HS6ST3: variants seen among roughly 807,000 people sequenced by gnomAD.
The protein encoded by HS6ST3 is heparan-sulfate 6-O-sulfotransferase 3.
In HS6ST3, 12 loss-of-function variants were observed where a neutral mutation model predicts 36.7. That is an observed-to-expected ratio of 0.33 (90% CI 0.21 to 0.53). The LOEUF (loss-of-function observed/expected upper bound fraction) is 0.53, where lower values mean the gene tolerates loss of function less well. Among genes scored for constraint, HS6ST3 ranks in the 20% least tolerant of loss-of-function variants. HS6ST3 has a pLI of 0.95. For synonymous variants in HS6ST3, 240 were observed against 257.5 expected, an observed-to-expected ratio of 0.93 and a Z score of 0.65; for missense variants, 584 against 640.9, an observed-to-expected ratio of 0.91 and a Z score of 0.96.
intron 1 of HS6ST3, among the ~76,000 whole-genome samples, chr13:96,619,324 A>G (rs550081550): frequency 3.9e-5 from 6 of 152,348 alleles, no homozygotes; most frequent in African/African-American, 1.4e-4. Context: ...AGTATCATCA[A>G]TTATCCCATT....
rs1298070684 is a variant in HS6ST3 at position 96,657,506 on chromosome 13, G to T, written c.708-174984G>T. On this transcript the variant is annotated intron_variant, in intron 1 of 1. Transcript: ENST00000376705. ...ACTACACTCCAGCCTGAGCAACAGA[G>T]CAAGATCTTGTCTCAAAACAAACAA... Among the ~76,000 whole-genome samples the T allele has an allele frequency of 2.6e-5, 4 of 152,132 alleles. No homozygotes were observed. The East Asian group carries it at 7.7e-4, about 29-fold the overall frequency.
Position 96,617,433 on chromosome 13 carries a change from A to T in HS6ST3, c.708-215057A>T, listed in dbSNP as rs1188860583. Among the ~76,000 whole-genome samples, 2 of 152,200 alleles carry T rather than the reference A, an allele frequency of 1.3e-5. 1 individual carries two copies. The highest frequency in any genetic ancestry group is 4.1e-4 in the South Asian group (2 of 4,834). ...CTGTGCAATAGTGAAGCTAGTTCAA[A>T]TATATTTCTTCATGGTTGAATTGCA... On this transcript the variant is annotated intron_variant, in intron 1 of 1. Transcript: ENST00000376705.
intron 1 of HS6ST3, among the ~76,000 whole-genome samples, chr13:96,735,697 AAT>A (rs1201291989): frequency 1.3e-5 from 2 of 152,180 alleles, no homozygotes; most frequent in African/African-American, 4.8e-5. Flanking sequence ...TATACTAAGC[AAT>A]TAAAAATGAG....
intron 1 of HS6ST3, among the ~76,000 whole-genome samples, chr13:96,674,431 C>T (rs1390278985): frequency 1.3e-5 from 2 of 152,040 alleles, no homozygotes; most frequent in Non-Finnish European, 2.9e-5. Context: ...TCAATTTCTC[C>T]AGTCTTTTTT....
chr13:96,532,009 T>C (rs975918257), intron 1 of HS6ST3, among the ~76,000 whole-genome samples: 1 of 152,168 alleles, frequency 6.6e-6, no homozygotes, highest in Non-Finnish European at 1.5e-5. Flanking sequence ...CCAAAGCCGA[T>C]GTGTTAGACA....
At chr13:96,200,272 C>T (rs565827712) in intron 1 of HS6ST3, among the ~76,000 whole-genome samples, 3 of 152,308 alleles carry the variant, frequency 2.0e-5, no homozygotes, top group South Asian at 2.1e-4. Context: ...CAATGGCTCT[C>T]GAGGCCCACA....
At chr13:96,527,276 A>G (rs1354741261) in intron 1 of HS6ST3, among the ~76,000 whole-genome samples, 1 of 152,138 alleles carries the variant, frequency 6.6e-6, no homozygotes, top group Non-Finnish European at 1.5e-5. Context: ...ACTGGACCAC[A>G]GTGACTTAGA....
Position 96,123,078 on chromosome 13 carries a change from A to G in HS6ST3, c.707+31509A>G, listed in dbSNP as rs61967997. 8.3e-3 allele frequency among the ~76,000 whole-genome samples: 1,268 copies of G among 152,270 alleles called. 6 individuals are homozygous for G. Among genetic ancestry groups the G allele is most frequent in the Non-Finnish European group, 0.012 (848 of 68,014 alleles). On this transcript the variant is annotated intron_variant, in intron 1 of 1. Coordinates refer to ENST00000376705, the MANE Select transcript of HS6ST3 (RefSeq NM_153456.4). ...GAGCAATGCTCTTATTTATTCCATT[A>G]TATACCCCATCTATTCTGTCTTCAA...
intron 1 of HS6ST3, among the ~76,000 whole-genome samples, chr13:96,805,713 T>C (rs1195269588): frequency 6.6e-6 from 1 of 152,122 alleles, no homozygotes; most frequent in Non-Finnish European, 1.5e-5. Context: ...CATAAACAGA[T>C]TTTTCAAAGG....
intron 1 of HS6ST3, among the ~76,000 whole-genome samples, chr13:96,599,392 A>G (rs902903393): frequency 6.6e-6 from 1 of 151,986 alleles, no homozygotes; most frequent in Non-Finnish European, 1.5e-5. Flanking sequence ...CCAGGAATTT[A>G]TCTATTTTCT....
Position 96,090,773 on chromosome 13 carries a change from C to T in HS6ST3, c.-90C>T. 9.0e-7 allele frequency: 1 copy of T among 1,108,250 alleles called. No homozygotes were observed. Among genetic ancestry groups the T allele is most frequent in the Non-Finnish European group, 1.2e-6 (1 of 855,286 alleles). 68.7% of individuals were successfully genotyped at this position (1,108,250 alleles called of 1,614,324 possible). On this transcript the variant is annotated 5_prime_UTR_variant, in exon 1 of 2. Transcript: ENST00000376705. ...GAGGAACGGCGGGCTCCGAGCCGCG[C>T]CCCGGAGTCCGCGAAACTTCCGAGC...
intron 1 of HS6ST3, among the ~76,000 whole-genome samples, chr13:96,622,661 T>G (rs1010903090): frequency 2.0e-5 from 3 of 152,206 alleles, no homozygotes; most frequent in African/African-American, 7.2e-5. Flanking sequence ...CTGTACTATC[T>G]ACTTTTCCCA....
chr13:96,748,168 T>G (rs1876608458), intron 1 of HS6ST3, among the ~76,000 whole-genome samples: 1 of 152,026 alleles, frequency 6.6e-6, no homozygotes, highest in Admixed American at 6.6e-5. Context: ...GCCATCCAGG[T>G]CATCAGAGTA....
At chr13:96,827,951 A>G (rs1006238304) in intron 1 of HS6ST3, among the ~76,000 whole-genome samples, 1 of 152,228 alleles carries the variant, frequency 6.6e-6, no homozygotes, top group Admixed American at 6.5e-5. Flanking sequence ...ATGGCATGCC[A>G]TATGATATTC....
intron 1 of HS6ST3, among the ~76,000 whole-genome samples, chr13:96,728,829 A>C (rs959823737): frequency 6.6e-6 from 1 of 152,182 alleles, no homozygotes; most frequent in African/African-American, 2.4e-5. Flanking sequence ...TCTACCATTC[A>C]ATTTCCAACC....
chr13:96,432,909 A>G (rs1435131643), intron 1 of HS6ST3, among the ~76,000 whole-genome samples: 1 of 152,228 alleles, frequency 6.6e-6, no homozygotes, highest in Non-Finnish European at 1.5e-5. Context: ...TGTATAAAAT[A>G]AAAGGTCTTT....
At chr13:96,291,600 A>G (rs1220855848) in intron 1 of HS6ST3, among the ~76,000 whole-genome samples, 1 of 152,226 alleles carries the variant, frequency 6.6e-6, no homozygotes, top group African/African-American at 2.4e-5. Flanking sequence ...TGACAAGTGA[A>G]TAAGATAAAT....
intron 1 of HS6ST3, among the ~76,000 whole-genome samples, chr13:96,587,060 A>G (rs1031490658): frequency 2.0e-5 from 3 of 151,846 alleles, no homozygotes; most frequent in Admixed American, 6.6e-5. Flanking sequence ...TCCTTTTCCC[A>G]TTGTGTGTTC....
intron 1 of HS6ST3, among the ~76,000 whole-genome samples, chr13:96,670,822 G>C (rs2056680487): frequency 6.6e-6 from 1 of 152,160 alleles, no homozygotes; most frequent in Non-Finnish European, 1.5e-5. Context: ...CTGGCCAACA[G>C]AGATGGAAAA....
Sources: allele counts gnomAD v4.1 joint callset (sites outside exome capture counted in the v4.1 genomes callset), GRCh38; gene constraint gnomAD v4.1.1; transcripts MANE v1.5; gene names NCBI Gene and HGNC (gene_info 2026-07-23, HGNC 2026-07-21).